Variants in FAAH2 observed in about 807,000 individuals in gnomAD.
The protein encoded by FAAH2 is fatty-acid amide hydrolase 2.
Under a neutral mutation model 36.9 loss-of-function variants are expected in FAAH2, and 60 were observed. The observed-to-expected ratio is 1.63, with a 90% CI of 1.32 to 2.02. FAAH2 has a LOEUF of 2.02. Ranked by LOEUF, FAAH2 falls within the 30% of genes most tolerant of loss-of-function variation. FAAH2 has a pLI of 0.00. For missense variants in FAAH2, 689 were observed against 397.5 expected (o/e 1.73, Z -6.23); for synonymous variants, 214 against 143.8 (o/e 1.49, Z -3.49).
intron 7 of FAAH2, among the ~76,000 whole-genome samples, chrX:57,402,210 C>T (rs1222069369): frequency 8.9e-6 from 1 of 112,151 alleles, no homozygotes; most frequent in Non-Finnish European, 1.9e-5. Flanking sequence ...GGACCTTCGT[C>T]CCCTGGGGCA....
At chrX:57,272,099 A>G in the FAAH2 span, among the ~76,000 whole-genome samples, 1 of 108,479 alleles carries the variant, frequency 9.2e-6, no homozygotes, top group Non-Finnish European at 1.9e-5. Flanking sequence ...TGAGAACGTG[A>G]AGAATATACA....
chrX:57,252,935 G>A, the FAAH2 span, among the ~76,000 whole-genome samples: 1 of 112,128 alleles, frequency 8.9e-6, no homozygotes, highest in African/African-American at 3.2e-5. Context: ...GACAGAAGTA[G>A]GCTTCAGAAG....
At chrX:57,183,407 A>G in the FAAH2 span, among the ~76,000 whole-genome samples, 2 of 111,510 alleles carry the variant, frequency 1.8e-5, no homozygotes, top group African/African-American at 3.3e-5. Flanking sequence ...TTCTTAAAAA[A>G]TGAATAATAC....
intron 5 of FAAH2, among the ~76,000 whole-genome samples, chrX:57,366,399 G>A (rs188418119): frequency 8.9e-6 from 1 of 112,062 alleles, no homozygotes; most frequent in South Asian, 3.7e-4. Flanking sequence ...CCCCTTGGGG[G>A]TTAAATATCT....
At chrX:57,153,132 T>C in the FAAH2 span, among the ~76,000 whole-genome samples, 1 of 112,442 alleles carries the variant, frequency 8.9e-6, no homozygotes, top group Non-Finnish European at 1.9e-5. Context: ...CTGTTTGTCT[T>C]TTTAAACTGC....
the FAAH2 span, among the ~76,000 whole-genome samples, chrX:57,132,250 T>G: frequency 8.9e-6 from 1 of 112,324 alleles, no homozygotes; most frequent in African/African-American, 3.2e-5. Flanking sequence ...TGTTGGCCCA[T>G]TGCCAAAATA....
At chrX:57,229,065 T>C in the FAAH2 span, 1 of 108,207 alleles carries the variant, frequency 9.2e-6, no homozygotes, top group East Asian at 2.9e-4. Context: ...ATGACGGAAA[T>C]TATTTCAGAG....
intron 5 of FAAH2, among the ~76,000 whole-genome samples, chrX:57,355,444 T>C (rs1293442704): frequency 9.0e-6 from 1 of 110,905 alleles, no homozygotes; most frequent in African/African-American, 3.3e-5. Flanking sequence ...GGACATGAAA[T>C]GCCATTCCAT....
chrX:57,169,303 A>G, the FAAH2 span, among the ~76,000 whole-genome samples: 1 of 103,623 alleles, frequency 9.7e-6, no homozygotes, highest in Non-Finnish European at 2.0e-5. Context: ...AGTTTAGTTC[A>G]TATTGCTGTC....
intron 10 of FAAH2, among the ~76,000 whole-genome samples, chrX:57,468,098 T>C (rs2057085455): frequency 9.0e-6 from 1 of 111,354 alleles, no homozygotes; most frequent in African/African-American, 3.3e-5. Flanking sequence ...ATCCATCTGT[T>C]GGTCACCATA....
intron 7 of FAAH2, among the ~76,000 whole-genome samples, chrX:57,420,890 G>T (rs942953203): frequency 9.0e-6 from 1 of 111,658 alleles, no homozygotes; most frequent in Non-Finnish European, 1.9e-5. Context: ...TTTGAGATAC[G>T]TCCCATCAGT....
intron 10 of FAAH2, among the ~76,000 whole-genome samples, chrX:57,476,457 T>C (rs1431044069): frequency 8.9e-6 from 1 of 111,980 alleles, no homozygotes; most frequent in Non-Finnish European, 1.9e-5. Flanking sequence ...ATGTGGATTT[T>C]GTCACTGGTT....
chrX:57,421,290 G>A (rs955620737), intron 7 of FAAH2, among the ~76,000 whole-genome samples: 1 of 111,638 alleles, frequency 9.0e-6, no homozygotes, highest in Non-Finnish European at 1.9e-5. Flanking sequence ...CTAAAAATAC[G>A]AAAATTATCC....
the FAAH2 span, among the ~76,000 whole-genome samples, chrX:57,163,566 C>T: frequency 0.14 from 16,100 of 111,452 alleles, 1,182 homozygotes; most frequent in Non-Finnish European, 0.21. Context: ...TCTCGTGGTG[C>T]GCCGTTTTTT....
At chrX:57,467,465 G>A (rs1381714506) in intron 10 of FAAH2, among the ~76,000 whole-genome samples, 2 of 111,961 alleles carry the variant, frequency 1.8e-5, no homozygotes, top group Non-Finnish European at 3.8e-5. Flanking sequence ...CCTGCACCTG[G>A]CTCAGAGGGT....
intron 10 of FAAH2, among the ~76,000 whole-genome samples, chrX:57,449,802 G>C (rs1243955458): frequency 1.8e-5 from 2 of 110,925 alleles, no homozygotes; most frequent in African/African-American, 3.3e-5. Context: ...AAGTAGCTGG[G>C]ATTACAGGAG....
chrX:57,174,659 G>T, the FAAH2 span, among the ~76,000 whole-genome samples: 2 of 111,095 alleles, frequency 1.8e-5, no homozygotes, highest in Non-Finnish European at 3.8e-5. Context: ...GTTCCTTGAT[G>T]TGTTTTGTCA....
At chrX:57,271,117 G>A in the FAAH2 span, among the ~76,000 whole-genome samples, 1 of 112,280 alleles carries the variant, frequency 8.9e-6, no homozygotes, top group Admixed American at 9.4e-5. Flanking sequence ...AGCAATCTGA[G>A]GTCCACCTGG....
At chrX:57,399,132 C>T (rs768146164) in intron 7 of FAAH2, among the ~76,000 whole-genome samples, 7 of 111,300 alleles carry the variant, frequency 6.3e-5, no homozygotes, top group African/African-American at 2.0e-4. Context: ...TTTACAGCTT[C>T]GATTCTGGAA....
Sources: gnomAD v4.1 joint callset for allele counts (sites outside exome capture counted in the v4.1 genomes callset) on GRCh38, gnomAD v4.1.1 for gene constraint, MANE v1.5 for transcripts, NCBI Gene and HGNC (gene_info 2026-07-23, HGNC 2026-07-21) for gene names.